SCN3A: variants seen among roughly 807,000 people sequenced by gnomAD.
SCN3A encodes sodium channel protein type 3 subunit alpha.
A neutral mutation model predicts 187.6 loss-of-function variants in SCN3A; 60 were observed. The ratio of observed to expected loss-of-function variants is 0.32; its 90% CI spans 0.26 to 0.40. SCN3A has a LOEUF of 0.40. Among genes scored for constraint, SCN3A ranks in the 10% least tolerant of loss-of-function variants. The pLI, the probability that SCN3A is intolerant of heterozygous loss-of-function variation, is 1.00. For missense variants in SCN3A, 1,601 were observed against 2,428.2 expected (o/e 0.66, Z 7.16); for synonymous variants, 788 against 829.2 (o/e 0.95, Z 0.85).
At position 165,154,421 on chromosome 2, in the gene SCN3A, A is replaced by G. The variant is rs778746115; in HGVS notation, c.1380+31T>C. On this transcript the variant is annotated intron_variant, in intron 11 of 27. Coordinates refer to ENST00000283254, the MANE Select transcript of SCN3A (RefSeq NM_006922.4). Reference sequence around the variant, plus strand: ...TTCTACTTAGAAACTAATAATAATAATGATAAATCTTTGCTTTTATCACTC... The same window carrying G: ...TTCTACTTAGAAACTAATAATAATAGTGATAAATCTTTGCTTTTATCACTC... 16 of 1,601,182 alleles carry G rather than the reference A, an allele frequency of 1.0e-5. No homozygotes were observed. The African/African-American group carries it at 2.1e-4, about 21-fold the overall frequency.
At chr2:165,136,631 T>C (rs1687683200) in intron 15 of SCN3A, among the ~76,000 whole-genome samples, 1 of 152,222 alleles carries the variant, frequency 6.6e-6, no homozygotes, top group African/African-American at 2.4e-5. Flanking sequence ...GTCTGTGCTC[T>C]TTTGCAAAAT....
At chr2:165,132,921 A>C (rs1328870212) in intron 15 of SCN3A, among the ~76,000 whole-genome samples, 4 of 152,220 alleles carry the variant, frequency 2.6e-5, no homozygotes, top group Non-Finnish European at 4.4e-5. Context: ...CAATGAACTC[A>C]AACAAATTTA....
intron 11 of SCN3A, among the ~76,000 whole-genome samples, chr2:165,149,609 A>T (rs915744232): frequency 6.6e-6 from 1 of 152,138 alleles, no homozygotes; most frequent in Admixed American, 6.5e-5. Flanking sequence ...CATCAACTCA[A>T]ATCTGTCATT....
At chr2:165,129,460 A>C (rs2105769628) in intron 17 of SCN3A, among the ~76,000 whole-genome samples, 1 of 152,308 alleles carries the variant, frequency 6.6e-6, no homozygotes, top group African/African-American at 2.4e-5. Context: ...TACTTCATTG[A>C]AATGTGTCTT....
intron 11 of SCN3A, 87 bp from the exon 12 acceptor site, chr2:165,147,116 A>G: frequency 1.4e-6 from 2 of 1,463,778 alleles, no homozygotes; most frequent in East Asian, 2.3e-5. Context: ...TTTAAGACTC[A>G]TTAACTACAA....
chr2:165,096,534 A>G lies in SCN3A; in HGVS notation c.4240-14T>C. 1 of 1,599,422 alleles carries G rather than the reference A, an allele frequency of 6.3e-7. No homozygotes were observed. The highest frequency in any genetic ancestry group is 1.3e-5 in the African/African-American group (1 of 74,776). On this transcript the variant is annotated splice_polypyrimidine_tract_variant and intron_variant, in intron 23 of 27. Coordinates refer to ENST00000283254, the MANE Select transcript of SCN3A (RefSeq NM_006922.4). The stretch of plus-strand genomic sequence containing the variant: ...TTTAAATGTGGCCTGTAAATAACAT[A>G]TATTTGAATTGTTCATAAAAATTTC...
chr2:165,095,744 T>C (rs1296699816), intron 24 of SCN3A, 96 bp from the exon 25 acceptor site: 1 of 690,932 alleles, frequency 1.4e-6, no homozygotes, highest in Non-Finnish European at 2.4e-6. Flanking sequence ...AATACAGTGC[T>C]ACTTTTGCCT....
In SCN3A at chr2:165,113,904, T is replaced by C. The variant is rs1559194563; in HGVS notation, c.3581A>G (p.Asn1194Ser). The change falls in exon 20 of 28, where the codon AAT (asparagine) becomes AGT (serine). Residue 1194 changes from asparagine to serine, a missense_variant. Asn to Ser is a conservative substitution (Grantham distance 46). Transcript: ENST00000283254. ...TEEGKGKIWW[N>S]LRKTCYSIVE... is the part of the protein sequence containing the mutation. ...AATACTGTAGCAGGTTTTTCGAAGA[T>C]TCCACCAGATCTTCCCTTTGCCTTC... The C allele has an allele frequency of 1.2e-6, 2 of 1,613,616 alleles. No homozygotes were observed. Among genetic ancestry groups the C allele is most frequent in the Non-Finnish European group, 1.7e-6 (2 of 1,179,582 alleles).
intron 2 of SCN3A, among the ~76,000 whole-genome samples, chr2:165,184,813 G>A (rs1465384610): frequency 6.6e-6 from 1 of 152,082 alleles, no homozygotes; most frequent in Admixed American, 6.5e-5. Context: ...TTCTATGTCA[G>A]GTACCTCTTG....
At chr2:165,100,028 C>T (rs561624755) in intron 22 of SCN3A, among the ~76,000 whole-genome samples, 12 of 152,270 alleles carry the variant, frequency 7.9e-5, no homozygotes, top group African/African-American at 2.9e-4. Context: ...AAAGAAACAA[C>T]TGGCAGTCCA....
intron 16 of SCN3A, 142 bp from the exon 17 acceptor site, chr2:165,130,438 GA>G (rs1222590452): frequency 2.4e-6 from 2 of 819,760 alleles, no homozygotes; most frequent in East Asian, 5.4e-5. Flanking sequence ...TTCAAATCCA[GA>G]AAAAATAGTG....
At chr2:165,094,094 G>C in intron 26 of SCN3A, 2 of 436,202 alleles carry the variant, frequency 4.6e-6, no homozygotes, top group East Asian at 4.6e-5. Context: ...CAGGTGTGCT[G>C]TTGGTAGCAG....
intron 1 of SCN3A, among the ~76,000 whole-genome samples, chr2:165,202,884 CTT>C (rs771412178): frequency 1.4e-4 from 22 of 151,994 alleles, no homozygotes; most frequent in Non-Finnish European, 2.2e-4. Context: ...ATTTTTAAAA[CTT>C]ATCTTTCAAT....
Position 165,090,913 on chromosome 2 carries a change from C to G in SCN3A, c.5240G>C (p.Gly1747Ala). The change falls in exon 28 of 28, where the codon GGG becomes GCG. Residue 1747 changes from glycine (G) to alanine (A), a missense_variant. By Grantham distance (60) the Gly-to-Ala change is moderately conservative (BLOSUM62 0). Coordinates refer to ENST00000283254, the MANE Select transcript of SCN3A (RefSeq NM_006922.4). The surrounding 1 kb of genome is among the most constrained non-coding windows in gnomAD (Gnocchi z 4.0). ...GATGTAACTGACAAAAAAGAAAATCCCAACAGATGGGTTCCCACAGTCTCC... is the reference window on the plus strand; with the variant it reads ...GATGTAACTGACAAAAAAGAAAATCGCAACAGATGGGTTCCCACAGTCTCC... The part of the protein sequence containing the change: ...VKGDCGNPSV[G>A]IFFFVSYIII... 6.2e-7 allele frequency: 1 copy of G among 1,613,964 alleles called. No individual in the cohort carries two copies. The highest frequency in any genetic ancestry group is 8.5e-7 in the Non-Finnish European group (1 of 1,179,988).
At chr2:165,102,557 C>G (rs2105668729) in intron 21 of SCN3A, among the ~76,000 whole-genome samples, 1 of 151,990 alleles carries the variant, frequency 6.6e-6, no homozygotes, top group African/African-American at 2.4e-5. Context: ...ATATCCAGAA[C>G]AGTGGGTTCA....
At chr2:165,164,026 GC>G in intron 6 of SCN3A, 1 of 817,194 alleles carries the variant, frequency 1.2e-6, no homozygotes, top group South Asian at 1.7e-5. Flanking sequence ...GCTGCCATAT[GC>G]TAAAGGTTGC....
At position 165,128,009 on chromosome 2, in the gene SCN3A, C is replaced by A. The variant is rs1332554294; in HGVS notation, c.3015G>T (p.Gln1005His). 4 of 1,613,970 alleles carry A rather than the reference C, an allele frequency of 2.5e-6. No homozygotes were observed. Among genetic ancestry groups the A allele is most frequent in the Non-Finnish European group, 8.5e-7 (1 of 1,179,976 alleles). The change falls in exon 18 of 28, where the codon CAG becomes CAT. Residue 1005 changes from glutamine (Q) to histidine (H), a missense_variant. Gln to His is a conservative substitution (Grantham distance 24, BLOSUM62 0). This residue lies in a region of SCN3A where 267 missense variants were observed against 313.2 expected (regional missense o/e 0.85). Transcript: ENST00000283254. ...CCTTTTGCATTCTTCCTACTGCAAT[C>A]TGCAGATTATTCATTTCATTGTCAT... ...TDDDNEMNNL[Q>H]IAVGRMQKGI...
chr2:165,095,800 T>C (rs927461451), intron 24 of SCN3A, 152 bp from the exon 25 acceptor site: 11 of 507,250 alleles, frequency 2.2e-5, no homozygotes, highest in African/African-American at 2.1e-4. Flanking sequence ...AAAACTAGTA[T>C]GATCTAGTAA....
chr2:165,190,414 T>C (rs987839968), intron 1 of SCN3A, among the ~76,000 whole-genome samples: 6 of 151,624 alleles, frequency 4.0e-5, no homozygotes, highest in African/African-American at 9.7e-5. Flanking sequence ...AAGAGTAAAT[T>C]CATTAGCCTA....
Sources: gnomAD v4.1 joint callset for allele counts (sites outside exome capture counted in the v4.1 genomes callset) on GRCh38, gnomAD v4.1.1 for gene constraint, gnomAD v4.1.1 regional missense constraint, Gnocchi (gnomAD v3.1) non-coding constraint, MANE v1.5 for transcripts, NCBI Gene and HGNC (gene_info 2026-07-23, HGNC 2026-07-21) for gene names.